Variants in PRKD1 observed in about 807,000 individuals in gnomAD.
PRKD1 encodes the protein protein kinase D1.
In PRKD1, 63 loss-of-function variants were observed where a neutral mutation model predicts 95.9. The ratio of observed to expected loss-of-function variants is 0.66; its 90% CI spans 0.54 to 0.81. PRKD1 has a LOEUF of 0.81. Ranked by LOEUF, PRKD1 falls within the 30% of genes least tolerant of loss-of-function variation. The pLI is 0.00. For missense variants in PRKD1, 1,048 were observed against 1,165.3 expected (o/e 0.90, Z 1.47); for synonymous variants, 425 against 423.1 (o/e 1.00, Z -0.05).
chr14:29,578,404 T>C (rs1892638450), intron 16 of PRKD1, 44 bp from the exon 17 acceptor site: 2 of 1,376,308 alleles, frequency 1.5e-6, no homozygotes, highest in Non-Finnish European at 2.0e-6. Flanking sequence ...ATCTGTAACA[T>C]ATGCATAATT....
chr14:29,647,209 C>T (rs2208717), intron 4 of PRKD1, among the ~76,000 whole-genome samples: 5,686 of 152,122 alleles, frequency 0.037, 326 homozygotes, highest in African/African-American at 0.12. Flanking sequence ...TAATCTCTTA[C>T]TAAAATACAA....
chr14:29,655,500 A>T (rs1881781016), intron 4 of PRKD1, among the ~76,000 whole-genome samples: 1 of 152,200 alleles, frequency 6.6e-6, no homozygotes, highest in Non-Finnish European at 1.5e-5. Flanking sequence ...TTATAGTCCC[A>T]TGAGGGAAAA....
At chr14:29,677,163 T>A (rs1369149495) in intron 2 of PRKD1, among the ~76,000 whole-genome samples, 1 of 152,208 alleles carries the variant, frequency 6.6e-6, no homozygotes, top group African/African-American at 2.4e-5. Context: ...CTCAGTTTAA[T>A]TTTTATTCTT....
chr14:29,577,405 G>A lies in PRKD1; in HGVS notation c.2572C>T (p.Arg858Cys), dbSNP rs556530827. ...LRELECKIGE[R>C]YITHESDDLR... ...TCATCACTTTCATGGGTGATGTAGC[G>A]CTCCCCGATTTTGCATTCCAGCTCT... The change falls in exon 18 of 18, where the codon CGC (arginine) becomes TGC (cysteine). Residue 858 changes from arginine (R) to cysteine (C), a missense_variant. By Grantham distance (180) the Arg-to-Cys change is radical. Coordinates refer to ENST00000331968, the MANE Select transcript of PRKD1 (RefSeq NM_002742.3). 191 of 1,613,720 alleles carry A rather than the reference G, an allele frequency of 1.2e-4. No individual in the cohort carries two copies. Among genetic ancestry groups the A allele is most frequent in the South Asian group, 3.3e-4 (30 of 91,076 alleles).
At chr14:29,742,799 A>G (rs1853654515) in intron 1 of PRKD1, among the ~76,000 whole-genome samples, 4 of 152,228 alleles carry the variant, frequency 2.6e-5, no homozygotes, top group Non-Finnish European at 4.4e-5. Flanking sequence ...TTTGTTAGAG[A>G]AACAATGGCA....
intron 1 of PRKD1, among the ~76,000 whole-genome samples, chr14:29,839,705 C>G (rs1202131226): frequency 6.6e-6 from 1 of 151,970 alleles, no homozygotes; most frequent in African/African-American, 2.4e-5. Flanking sequence ...GAAATCTAGG[C>G]AGAGGTTTCC....
Position 29,923,229 on chromosome 14 carries a change from A to G in PRKD1, c.264+4020T>C, listed in dbSNP as rs969409450. On this transcript the variant is annotated intron_variant, in intron 1 of 17. Transcript: ENST00000331968. Reference sequence around the variant, plus strand: ...TGGGCAAGAGAGTGAGATTCTGTCAAAAAAAAAAAAAAAAAAACACACAGT... The same window carrying G: ...TGGGCAAGAGAGTGAGATTCTGTCAGAAAAAAAAAAAAAAAAACACACAGT... Among the ~76,000 whole-genome samples, 20 of 87,334 alleles carry G rather than the reference A, an allele frequency of 2.3e-4. No individual in the cohort carries two copies. The East Asian group carries it at 4.3e-3, about 19-fold the overall frequency. 57.3% of individuals were successfully genotyped at this position (87,334 alleles called of 152,430 possible).
intron 13 of PRKD1, among the ~76,000 whole-genome samples, chr14:29,614,263 T>C (rs1439011911): frequency 2.6e-5 from 4 of 152,248 alleles, no homozygotes; most frequent in African/African-American, 7.2e-5. Context: ...ATCAATTCTT[T>C]TGCAACTTAC....
intron 9 of PRKD1, 85 bp from the exon 10 acceptor site, chr14:29,631,106 A>G: frequency 1.5e-6 from 2 of 1,293,106 alleles, no homozygotes; most frequent in Non-Finnish European, 2.1e-6. Context: ...CATGTGAAAA[A>G]TGACATCACA....
intron 2 of PRKD1, among the ~76,000 whole-genome samples, chr14:29,693,639 A>T (rs201784753): frequency 3.6e-4 from 43 of 119,182 alleles, no homozygotes; most frequent in Admixed American, 1.4e-3. Context: ...AAAAAAAAAA[A>T]AACAACAACA....
At chr14:29,803,398 C>T (rs1399221758) in intron 1 of PRKD1, among the ~76,000 whole-genome samples, 3 of 152,106 alleles carry the variant, frequency 2.0e-5, no homozygotes, top group African/African-American at 7.2e-5. Context: ...TTTTTGTTTA[C>T]TGACAATGAG....
At chr14:29,624,011 T>C (rs1879452347) in intron 13 of PRKD1, 141 bp downstream of exon 13, 2 of 534,800 alleles carry the variant, frequency 3.7e-6, no homozygotes, top group Non-Finnish European at 6.5e-6. Context: ...CAAGTTCTGA[T>C]ACTTGATCTG....
At chr14:29,879,399 T>C (rs544842304) in intron 1 of PRKD1, among the ~76,000 whole-genome samples, 4 of 152,338 alleles carry the variant, frequency 2.6e-5, no homozygotes, top group East Asian at 1.9e-4. Flanking sequence ...CCACGTTTGC[T>C]TCTTCCTCGT....
chr14:29,778,016 A>G (rs1888853118), intron 1 of PRKD1, among the ~76,000 whole-genome samples: 1 of 152,198 alleles, frequency 6.6e-6, no homozygotes, highest in Non-Finnish European at 1.5e-5. Flanking sequence ...AACTACATGG[A>G]AACTGAACAA....
At chr14:29,890,626 T>C (rs1368212620) in intron 1 of PRKD1, among the ~76,000 whole-genome samples, 1 of 152,200 alleles carries the variant, frequency 6.6e-6, no homozygotes, top group Non-Finnish European at 1.5e-5. Context: ...TTTCTCTTTT[T>C]TTTCTTCAGT....
intron 16 of PRKD1, chr14:29,594,223 A>G (rs1420566458): frequency 1.4e-5 from 6 of 418,808 alleles, no homozygotes; most frequent in African/African-American, 1.0e-4. Flanking sequence ...TGACACATCT[A>G]TGCATGTTAT....
chr14:29,837,604 G>T (rs1891661706), intron 1 of PRKD1, among the ~76,000 whole-genome samples: 1 of 152,102 alleles, frequency 6.6e-6, no homozygotes, highest in African/African-American at 2.4e-5. Context: ...ATAATCTATG[G>T]CTTTGTCAAG....
intron 1 of PRKD1, chr14:29,751,318 G>C (rs1482503695): frequency 1.3e-5 from 2 of 152,176 alleles, no homozygotes; most frequent in Non-Finnish European, 2.9e-5. Flanking sequence ...ATGTGATCTG[G>C]TTCTGGCTGA....
chr14:29,743,826 C>T (rs1483232988), intron 1 of PRKD1, among the ~76,000 whole-genome samples: 1 of 152,194 alleles, frequency 6.6e-6, no homozygotes, highest in Admixed American at 6.5e-5. Context: ...GACATTTCAG[C>T]AGCATGTGAC....
Sources: gnomAD v4.1 joint callset for allele counts (sites outside exome capture counted in the v4.1 genomes callset) on GRCh38, gnomAD v4.1.1 for gene constraint, MANE v1.5 for transcripts, NCBI Gene and HGNC (gene_info 2026-07-23, HGNC 2026-07-21) for gene names.